Variants in FOXK2 observed in about 807,000 individuals in gnomAD.
FOXK2 encodes the protein forkhead box protein K2.
Under a neutral mutation model 53.3 loss-of-function variants are expected in FOXK2, and 24 were observed. That is an observed-to-expected ratio of 0.45 (90% confidence interval 0.33 to 0.63). The LOEUF is 0.63. FOXK2 is among the 30% of genes least tolerant of loss of function. FOXK2 has a pLI of 0.03. For missense variants in FOXK2, 952 were observed against 910.5 expected, an observed-to-expected ratio of 1.05 and a Z score of -0.59; for synonymous variants, 505 against 407.1, an observed-to-expected ratio of 1.24 and a Z score of -2.89.
At chr17:82,563,680 A>T in intron 2 of FOXK2, 132 bp downstream of exon 2, 2 of 707,384 alleles carry the variant, frequency 2.8e-6, no homozygotes, top group South Asian at 2.7e-5. Context: ...ATATCATTGG[A>T]TTTCTGCTCT....
chr17:82,523,762 C>T (rs1170453414), intron 1 of FOXK2, among the ~76,000 whole-genome samples: 1 of 151,976 alleles, frequency 6.6e-6, no homozygotes, highest in East Asian at 1.9e-4. Context: ...CAGGTGTGAG[C>T]CACCACACCT....
rs2044341741 is a variant in FOXK2, at chr17:82,519,942, C to G, written c.54C>G (p.Gly18=). ...GCGCGGGCACGCCACCCGCGGGCGG[C>G]GGGGCCGGGGGCGGCGGGGCCGGGG... ...LSGAGTPPAG[G]GAGGGGAGGG... The change falls in exon 1 of 9, where the codon GGC becomes GGG. Residue 18 remains glycine, a synonymous_variant. Coordinates refer to ENST00000335255, the MANE Select transcript of FOXK2 (RefSeq NM_004514.4). 73 of 820,220 alleles carry G rather than the reference C, an allele frequency of 8.9e-5. No homozygotes were observed. The highest frequency in any genetic ancestry group is 9.0e-5 in the Non-Finnish European group (62 of 689,894). 50.8% of individuals were successfully genotyped at this position (820,220 alleles called of 1,614,324 possible). A position where few individuals can be genotyped will look rare whatever the true frequency, so the allele number is the denominator to read the frequency against.
At chr17:82,598,243 G>T (rs991507751) in intron 8 of FOXK2, among the ~76,000 whole-genome samples, 1 of 152,024 alleles carries the variant, frequency 6.6e-6, no homozygotes, top group African/African-American at 2.4e-5. Flanking sequence ...GTCATTTCTA[G>T]TTTTATGTCC....
At chr17:82,567,722 G>A (rs1018818143) in intron 2 of FOXK2, among the ~76,000 whole-genome samples, 1 of 151,858 alleles carries the variant, frequency 6.6e-6, no homozygotes. Flanking sequence ...TCTTTAATAA[G>A]TTCTGGAACC....
intron 8 of FOXK2, among the ~76,000 whole-genome samples, chr17:82,589,921 C>T (rs2045236216): frequency 6.6e-6 from 1 of 152,086 alleles, no homozygotes; most frequent in Non-Finnish European, 1.5e-5. Context: ...TGGCACATTC[C>T]TGTAATCCCT....
Position 82,527,698 on chromosome 17 carries a change from T to A in FOXK2, c.419+7391T>A, listed in dbSNP as rs545428223. Among the ~76,000 whole-genome samples the A allele has an allele frequency of 2.0e-5, 3 of 152,356 alleles. No individual in the cohort carries two copies. The South Asian group carries it at 6.2e-4, about 32-fold the overall frequency. The stretch of plus-strand genomic sequence containing the variant: ...ACTGATTTGTAGACACAGAACACAT[T>A]GCAGCTATTTTAGCATAATTGTTAC... On this transcript the variant is annotated intron_variant, in intron 1 of 8. Coordinates refer to ENST00000335255, the MANE Select transcript of FOXK2 (RefSeq NM_004514.4).
At chr17:82,598,035 ATGT>A (rs2045335797) in intron 8 of FOXK2, among the ~76,000 whole-genome samples, 1 of 152,162 alleles carries the variant, frequency 6.6e-6, no homozygotes, top group Admixed American at 6.5e-5. Flanking sequence ...GTGCACAGTG[ATGT>A]TGAGAAGCAT....
intron 1 of FOXK2, among the ~76,000 whole-genome samples, chr17:82,522,565 G>T (rs1049934343): frequency 1.3e-5 from 2 of 151,636 alleles, no homozygotes; most frequent in African/African-American, 2.4e-5. Flanking sequence ...TAGAGACGGG[G>T]TTTCACCATG....
Position 82,571,846 on chromosome 17 carries a change from C to T in FOXK2, c.885C>T (p.Tyr295=), listed in dbSNP as rs745933132. Residue 295 remains tyrosine (Y), a synonymous_variant, in exon 4 of 9, where the codon TAC becomes TAT. Transcript: ENST00000335255. ...YTHITKNYPY[Y]RTADKGWQNS... ...ACATCACTAAAAATTATCCCTACTA[C>T]AGGACTGCGGACAAGGGCTGGCAGG... 6 of 1,587,560 alleles carry T rather than the reference C, an allele frequency of 3.8e-6. No individual in the cohort carries two copies. Among genetic ancestry groups the T allele is most frequent in the East Asian group, 4.7e-5 (2 of 42,816 alleles).
intron 5 of FOXK2, among the ~76,000 whole-genome samples, chr17:82,583,585 G>A (rs942764682): frequency 1.3e-5 from 2 of 152,212 alleles, no homozygotes; most frequent in Non-Finnish European, 2.9e-5. Flanking sequence ...GCTTAAGTTC[G>A]AGTTGACTTA....
chr17:82,587,113 A>T lies in FOXK2; in HGVS notation c.1627A>T (p.Ser543Cys), dbSNP rs1320859554. Residue 543 changes from serine to cysteine, a missense_variant, in exon 8 of 9, where the codon AGC becomes TGC. This residue lies in a region of FOXK2 where 551 missense variants were observed against 385.1 expected (regional missense o/e 1.43). Transcript: ENST00000335255. ...TGGCCACGCCACGCTCGGCACTGCC[A>T]GCCGGATCATTCAGACGGCACAGAC... ...AIGHATLGTA[S>C]RIIQTAQTTP... 8.7e-6 allele frequency: 14 copies of T among 1,612,564 alleles called. No individual in the cohort carries two copies. The highest frequency in any genetic ancestry group is 1.1e-5 in the Non-Finnish European group (13 of 1,179,852).
At chr17:82,583,127 G>A (rs1412547492) in intron 5 of FOXK2, among the ~76,000 whole-genome samples, 193 bp downstream of exon 5, 2 of 152,336 alleles carry the variant, frequency 1.3e-5, no homozygotes, top group South Asian at 4.1e-4. Context: ...CATTTGAGAC[G>A]ATTTGCAAAG....
At chr17:82,581,211 GA>G (rs1159443157) in intron 4 of FOXK2, among the ~76,000 whole-genome samples, 1 of 152,156 alleles carries the variant, frequency 6.6e-6, no homozygotes, top group African/African-American at 2.4e-5. Context: ...GTAAATTCAC[GA>G]AATGTTTCTA....
At chr17:82,558,673 G>A (rs560720235) in intron 1 of FOXK2, among the ~76,000 whole-genome samples, 1 of 152,356 alleles carries the variant, frequency 6.6e-6, no homozygotes, top group African/African-American at 2.4e-5. Context: ...TGGGCTTTCT[G>A]CAGAAGTTCA....
rs138803291 is a variant in FOXK2 at position 82,547,918 on chromosome 17, A to G, written c.420-15436A>G. On this transcript the variant is annotated intron_variant, in intron 1 of 8. Coordinates refer to ENST00000335255, the MANE Select transcript of FOXK2 (RefSeq NM_004514.4). ...TGGCTCGCTCTTATTCACATGGTAT[A>G]TTTGAGGTTCATCAGTGTTACTTGT... Among the ~76,000 whole-genome samples the G allele has an allele frequency of 2.9e-3, 441 of 152,240 alleles. 1 individual carries two copies. The highest frequency in any genetic ancestry group is 0.027 in the Middle Eastern group (8 of 294).
At chr17:82,546,326 A>G (rs1372398395) in intron 1 of FOXK2, among the ~76,000 whole-genome samples, 1 of 152,052 alleles carries the variant, frequency 6.6e-6, no homozygotes, top group African/African-American at 2.4e-5. Flanking sequence ...CGTGTTGGCC[A>G]GGCTGGTCTC....
chr17:82,544,457 C>T (rs1434542412), intron 1 of FOXK2, among the ~76,000 whole-genome samples: 1 of 152,124 alleles, frequency 6.6e-6, no homozygotes, highest in South Asian at 2.1e-4. Context: ...AAACCGTGGG[C>T]CCAGAGATGC....
chr17:82,524,149 C>T (rs1342294878), intron 1 of FOXK2, among the ~76,000 whole-genome samples: 2 of 152,204 alleles, frequency 1.3e-5, no homozygotes, highest in East Asian at 3.8e-4. Context: ...CTCCGCTTCC[C>T]AAAGTGCTGG....
intron 8 of FOXK2, chr17:82,593,347 A>AGGAAGGAAGGAGGGAG (rs2045274842): frequency 7.2e-6 from 1 of 139,238 alleles, no homozygotes; most frequent in African/African-American, 2.6e-5. Flanking sequence ...AGTTTCTGGA[A>AGGAAGGAAGGAGGGAG]GGAAGGAAGG....
Sources: gnomAD v4.1 joint callset for allele counts (sites outside exome capture counted in the v4.1 genomes callset) on GRCh38, gnomAD v4.1.1 for gene constraint, gnomAD v4.1.1 regional missense constraint, MANE v1.5 for transcripts, NCBI Gene and HGNC (gene_info 2026-07-23, HGNC 2026-07-21) for gene names.